TMEM9: variants seen among roughly 807,000 people sequenced by gnomAD.
TMEM9 encodes proton-transporting V-type ATPase complex assembly regulator TMEM9.
In TMEM9, 13 loss-of-function variants were observed where a neutral mutation model predicts 22.8. The ratio of observed to expected loss-of-function variants is 0.57; its 90% CI spans 0.37 to 0.91. The LOEUF (loss-of-function observed/expected upper bound fraction) is 0.91. Ranked by LOEUF, TMEM9 falls within the 40% of genes least tolerant of loss-of-function variation. The probability of loss-of-function intolerance (pLI) is 0.01; values close to 1 mark genes in which losing one functional copy is unlikely to be tolerated. For synonymous variants in TMEM9, 88 were observed against 93.0 expected (o/e 0.95, Z 0.31); for missense variants, 182 against 238.1 (o/e 0.76, Z 1.55).
At chr1:201,140,115 T>C (rs1664390257) in intron 4 of TMEM9, among the ~76,000 whole-genome samples, 1 of 152,222 alleles carries the variant, frequency 6.6e-6, no homozygotes, top group African/African-American at 2.4e-5. Flanking sequence ...GGCCCGAGTC[T>C]TCTCCCCGGT....
rs2102211753 is a variant in TMEM9 at position 201,135,233 on chromosome 1, A to T, written c.*430T>A. The T allele has an allele frequency of 6.5e-6, 1 of 154,092 alleles. No individual in the cohort carries two copies. The highest frequency in any genetic ancestry group is 1.4e-5 in the Non-Finnish European group (1 of 69,164). 9.5% of individuals were successfully genotyped at this position (154,092 alleles called of 1,614,324 possible). ...GGTGATAAGAACCACTGCAGAAAGG[A>T]ACACATGCTGAATGCTGGGCCATGC... is the stretch of plus-strand genomic sequence containing the variant. On this transcript the variant is annotated 3_prime_UTR_variant, in exon 5 of 5. Coordinates refer to ENST00000367330, the MANE Select transcript of TMEM9 (RefSeq NM_001288565.2).
rs1246925917 is a variant in TMEM9 at position 201,137,507 on chromosome 1, CACACACACAG to C, written c.400-1702_400-1693del. On this transcript the variant is annotated intron_variant, in intron 4 of 4. Transcript: ENST00000367330. ...ACACACACACACACACACACACACA[CACACACACAG>C]AGTGAAAAGAAGTTTCATAAAACAA... Among the ~76,000 whole-genome samples the C allele has an allele frequency of 2.7e-4, 39 of 146,204 alleles. No homozygotes were observed. The South Asian group carries it at 7.4e-3, about 28-fold the overall frequency.
intron 2 of TMEM9, 76 bp from the exon 3 acceptor site, chr1:201,146,924 C>A: frequency 7.1e-7 from 1 of 1,403,922 alleles, no homozygotes; most frequent in Non-Finnish European, 1.0e-6. Context: ...AAGCAGGTAG[C>A]CAGGGGAGCT....
upstream of TMEM9, among the ~76,000 whole-genome samples, chr1:201,155,534 A>T (rs1200750640): frequency 6.6e-6 from 1 of 152,188 alleles, no homozygotes; most frequent in Non-Finnish European, 1.5e-5. Context: ...TGGCAGAGTG[A>T]CCTGTGTTTG....
At chr1:201,170,291 T>TC (rs1666179218) in intron 1 of TMEM9, among the ~76,000 whole-genome samples, 2 of 152,186 alleles carry the variant, frequency 1.3e-5, no homozygotes, top group Admixed American at 1.3e-4. Flanking sequence ...CAGCCCAATG[T>TC]CATCCCCCAA....
chr1:201,147,002 G>C, intron 2 of TMEM9, 154 bp from the exon 3 acceptor site: 1 of 652,946 alleles, frequency 1.5e-6, no homozygotes, highest in Admixed American at 2.7e-5. Context: ...AAAGGATTAG[G>C]CTGGCAGAAA....
intron 4 of TMEM9, among the ~76,000 whole-genome samples, chr1:201,137,295 A>C (rs1312495359): frequency 6.6e-6 from 1 of 152,176 alleles, no homozygotes; most frequent in Admixed American, 6.5e-5. Flanking sequence ...TCCCAGGTGG[A>C]ACTACAGATC....
At chr1:201,157,161 G>A (rs896146753), upstream of TMEM9, among the ~76,000 whole-genome samples, 1 of 152,172 alleles carries the variant, frequency 6.6e-6, no homozygotes, top group African/African-American at 2.4e-5. Flanking sequence ...TTATAGATGA[G>A]CTAGTGGGGA....
intron 2 of TMEM9, among the ~76,000 whole-genome samples, chr1:201,150,274 G>C (rs1314348862): frequency 6.6e-6 from 1 of 152,230 alleles, no homozygotes; most frequent in African/African-American, 2.4e-5. Flanking sequence ...CTAAGTAGAA[G>C]GCTAGTGCTT....
intron 1 of TMEM9, among the ~76,000 whole-genome samples, chr1:201,170,125 C>T (rs2102299411): frequency 6.6e-6 from 1 of 152,336 alleles, no homozygotes; most frequent in East Asian, 1.9e-4. Context: ...GCTTCCTCCC[C>T]TGGCATGCCA....
intron 1 of TMEM9, among the ~76,000 whole-genome samples, chr1:201,152,850 G>A (rs1665540681): frequency 6.6e-6 from 1 of 152,214 alleles, no homozygotes; most frequent in South Asian, 2.1e-4. Flanking sequence ...CTATAGCAGA[G>A]CGCATTCATA....
In TMEM9 at chr1:201,135,527, G is replaced by C; in HGVS notation, c.*136C>G. On this transcript the variant is annotated 3_prime_UTR_variant, in exon 5 of 5. Transcript: ENST00000367330. ...CAAGTACAACATTTCTAAAGTTAGG[G>C]AGAAGGAGGAAAAATGCCACAGGCT... 3.4e-6 allele frequency: 3 copies of C among 880,766 alleles called. No homozygotes were observed. The highest frequency in any genetic ancestry group is 5.0e-6 in the Non-Finnish European group (3 of 603,416). 54.6% of individuals were successfully genotyped at this position (880,766 alleles called of 1,614,324 possible). A position where few individuals can be genotyped will look rare whatever the true frequency, so the allele number is the denominator to read the frequency against.
Position 201,143,814 on chromosome 1 carries a change from T to C in TMEM9, c.399+6A>G. 1 of 1,613,852 alleles carries C rather than the reference T, an allele frequency of 6.2e-7. No individual in the cohort carries two copies. The highest frequency in any genetic ancestry group is 2.2e-5 in the East Asian group (1 of 44,866). ...CCCAGGGCCTGGGCACTCAAAGCCC[T>C]CTTACCTCATTCTCCTCCTCATTGT... On this transcript the variant is annotated splice_donor_region_variant and intron_variant, in intron 4 of 4. Coordinates refer to ENST00000367330, the MANE Select transcript of TMEM9 (RefSeq NM_001288565.2).
At position 201,163,473 on chromosome 1, in the gene TMEM9, C is replaced by T. The variant is rs560008311; in HGVS notation, c.-37+8017G>A. 2.4e-4 allele frequency among the ~76,000 whole-genome samples: 37 copies of T among 151,918 alleles called. No individual in the cohort carries two copies. The South Asian group carries it at 3.7e-3, about 15-fold the overall frequency. On this transcript the variant is annotated intron_variant, in intron 1 of 5. Coordinates refer to the TMEM9 transcript ENST00000367333. ...GGCATGGTGGCGTGTGCCTGTAGTC[C>T]CAGCTACTTGAGAGGCTGAGACATG...
At chr1:201,152,272 C>T (rs1665494317) in intron 1 of TMEM9, among the ~76,000 whole-genome samples, 1 of 152,138 alleles carries the variant, frequency 6.6e-6, no homozygotes, top group South Asian at 2.1e-4. Context: ...CCTTCTCCAA[C>T]TTCTTAGGTA....
chr1:201,152,671 T>C (rs554371819), intron 1 of TMEM9, among the ~76,000 whole-genome samples: 2 of 152,310 alleles, frequency 1.3e-5, no homozygotes, highest in East Asian at 1.9e-4. Flanking sequence ...AGCAGAGTAA[T>C]AGATACAACT....
intron 1 of TMEM9, 183 bp downstream of exon 1, chr1:201,153,674 AC>A: frequency 1.4e-6 from 2 of 1,414,954 alleles, no homozygotes; most frequent in South Asian, 1.3e-5. Context: ...CTCACTCCTC[AC>A]CCGCACTATC....
At chr1:201,159,575 C>CTT (rs35944174) in intron 1 of TMEM9, among the ~76,000 whole-genome samples, 1,531 of 133,704 alleles carry the variant, frequency 0.011, 54 homozygotes, top group African/African-American at 0.04. Context: ...GCAATTAAAC[C>CTT]TTTTTTTTTT....
chr1:201,163,228 A>T (rs1665991154), intron 1 of TMEM9, among the ~76,000 whole-genome samples: 1 of 152,190 alleles, frequency 6.6e-6, no homozygotes. Flanking sequence ...TTGAAGCTGC[A>T]GTGAACCATG....
Sources: gnomAD v4.1 joint callset for allele counts (sites outside exome capture counted in the v4.1 genomes callset) on GRCh38, gnomAD v4.1.1 for gene constraint, MANE v1.5 for transcripts, NCBI Gene and HGNC (gene_info 2026-07-23, HGNC 2026-07-21) for gene names.